TYK2: variants seen among roughly 807,000 people sequenced by gnomAD.
TYK2 encodes the protein non-receptor tyrosine-protein kinase TYK2.
A neutral mutation model predicts 130.9 loss-of-function variants in TYK2; 65 were observed. The ratio of observed to expected loss-of-function variants is 0.50; its 90% CI spans 0.41 to 0.61. The LOEUF (loss-of-function observed/expected upper bound fraction) is 0.61, where lower values mean the gene tolerates loss of function less well. TYK2 is among the 20% of genes least tolerant of loss of function. TYK2 has a pLI of 0.00. For missense variants in TYK2, 1,378 were observed against 1,610.7 expected, an observed-to-expected ratio of 0.86 and a Z score of 2.47; for synonymous variants, 647 against 658.9, an observed-to-expected ratio of 0.98 and a Z score of 0.28.
intron 3 of TYK2, among the ~76,000 whole-genome samples, chr19:10,372,135 C>T (rs377377865): frequency 6.2e-4 from 94 of 151,288 alleles, no homozygotes; most frequent in South Asian, 1.7e-3. Context: ...GGACTACAGG[C>T]GCCCGCCACC....
intron 18 of TYK2, 136 bp from the exon 19 acceptor site, chr19:10,354,745 GAA>G: frequency 8.3e-6 from 6 of 725,464 alleles, no homozygotes; most frequent in South Asian, 7.4e-5. Context: ...TGCAACAGCT[GAA>G]AGAGTCCACT....
intron 3 of TYK2, among the ~76,000 whole-genome samples, chr19:10,370,864 A>G (rs2041882256): frequency 3.9e-5 from 6 of 151,906 alleles, no homozygotes; most frequent in Admixed American, 3.9e-4. Context: ...AAAGCTGGGT[A>G]TGGTGGCTCA....
chr19:10,359,395 G>T (rs1327103522), intron 14 of TYK2, 93 bp from the exon 15 acceptor site: 7 of 1,493,328 alleles, frequency 4.7e-6, no homozygotes, highest in East Asian at 2.3e-5. Context: ...GACTTGGCAT[G>T]TGGCTGGGGA....
intron 15 of TYK2, 142 bp from the exon 16 acceptor site, chr19:10,358,280 G>C (rs914451904): frequency 4.7e-5 from 32 of 674,822 alleles, no homozygotes; most frequent in Admixed American, 1.5e-4. Context: ...TTTTTGGGGG[G>C]TTATTTTTTT....
At position 10,368,302 on chromosome 19, in the gene TYK2, G is replaced by A. The variant is rs551925120; in HGVS notation, c.310C>T (p.Arg104Cys). 1.7e-5 allele frequency: 28 copies of A among 1,614,178 alleles called. No homozygotes were observed. The highest frequency in any genetic ancestry group is 5.0e-5 in the Admixed American group (3 of 60,000). ...GCAAAGGTCTCCACCCACCTTATGC[G>A]GAAATATAGCATCAGGCTTGCATCT... ...PRDASLMLYF[R>C]IRFYFRNWHG... Residue 104 changes from arginine to cysteine, a missense_variant, in exon 4 of 25, where the codon CGC (arginine) becomes TGC (cysteine). Arg to Cys is a radical substitution (Grantham distance 180). Transcript: ENST00000525621.
chr19:10,373,005 A>C (rs1040306819), intron 3 of TYK2, among the ~76,000 whole-genome samples: 2 of 151,322 alleles, frequency 1.3e-5, no homozygotes, highest in African/African-American at 2.4e-5. Flanking sequence ...CTGGGACTAC[A>C]GGCATGTGCC....
chr19:10,372,660 T>A (rs2041968819), intron 3 of TYK2, among the ~76,000 whole-genome samples: 1 of 150,046 alleles, frequency 6.7e-6, no homozygotes. Context: ...TGGCTAATTT[T>A]TTGTATTTTT....
At chr19:10,355,640 C>CAA (rs34951532) in intron 18 of TYK2, among the ~76,000 whole-genome samples, 12 of 69,958 alleles carry the variant, frequency 1.7e-4, no homozygotes, top group South Asian at 5.7e-4. Flanking sequence ...AACTCCATCT[C>CAA]AAAAAAAAAA....
At chr19:10,356,875 G>A (rs1293722432) in intron 17 of TYK2, 157 bp from the exon 18 acceptor site, 8 of 757,248 alleles carry the variant, frequency 1.1e-5, no homozygotes, top group African/African-American at 1.7e-5. Flanking sequence ...AAAGTGGGAG[G>A]ACGTGCTCAC....
At chr19:10,378,823 G>A (rs1031468687) in intron 2 of TYK2, among the ~76,000 whole-genome samples, 7 of 143,606 alleles carry the variant, frequency 4.9e-5, no homozygotes, top group African/African-American at 7.7e-5. Context: ...TCTACAAGAC[G>A]TTTTATTTTA....
chr19:10,354,019 A>C, intron 20 of TYK2, 23 bp downstream of exon 20: 4 of 1,612,534 alleles, frequency 2.5e-6, no homozygotes, highest in Non-Finnish European at 3.4e-6. Context: ...TCAAGTCTCT[A>C]GGACTCGCCG....
intron 3 of TYK2, among the ~76,000 whole-genome samples, chr19:10,370,575 T>G (rs1429951855): frequency 1.3e-5 from 2 of 150,246 alleles, no homozygotes; most frequent in South Asian, 2.1e-4. Flanking sequence ...CCCAGCACTT[T>G]CGGAAGCTGA....
chr19:10,376,951 G>C (rs1208600717), intron 3 of TYK2, among the ~76,000 whole-genome samples: 1 of 152,068 alleles, frequency 6.6e-6, no homozygotes, highest in Non-Finnish European at 1.5e-5. Context: ...ACCCAGGCTG[G>C]AGTGCAGTGA....
At chr19:10,375,169 A>G (rs1444317478) in intron 3 of TYK2, among the ~76,000 whole-genome samples, 1 of 151,828 alleles carries the variant, frequency 6.6e-6, no homozygotes, top group Non-Finnish European at 1.5e-5. Context: ...TGTCTCTACG[A>G]AAGAAAAAAA....
chr19:10,356,679 G>A lies in TYK2; in HGVS notation c.2506C>T (p.Pro836Ser), dbSNP rs1169822550. The change falls in exon 18 of 25, where the codon CCC becomes TCC. Residue 836 changes from proline to serine, a missense_variant. Physicochemically the swap from Pro to Ser is moderately conservative, Grantham distance 74 (BLOSUM62 -1). Coordinates refer to ENST00000525621, the MANE Select transcript of TYK2 (RefSeq NM_003331.5). Reference sequence around the variant, plus strand: ...AGTGTGGCCAGCTGTGGGCAGGAGGGCTCGGGCAGCCGGTGCTGCCTCTGG... The same window carrying A: ...AGTGTGGCCAGCTGTGGGCAGGAGGACTCGGGCAGCCGGTGCTGCCTCTGG... The part of the protein sequence containing the change: ...FYQRQHRLPE[P>S]SCPQLATLTS... 9 of 1,611,506 alleles carry A rather than the reference G, an allele frequency of 5.6e-6. No individual in the cohort carries two copies. Among genetic ancestry groups the A allele is most frequent in the Admixed American group, 1.7e-5 (1 of 59,718 alleles).
chr19:10,363,001 G>A (rs1025361984), intron 9 of TYK2, among the ~76,000 whole-genome samples: 4 of 152,076 alleles, frequency 2.6e-5, no homozygotes, highest in Middle Eastern at 3.4e-3. Flanking sequence ...TCAACCTCCC[G>A]AGTAGCTGGG....
rs916091864 is a variant in TYK2, at chr19:10,353,227, G to A, written c.3028-129C>T. ...CCGGTGGCTACCCGGCCGCTGGAGA[G>A]GGCCGGATGGCACGTGGCACCAAGC... On this transcript the variant is annotated intron_variant, in intron 21 of 24. Coordinates refer to ENST00000525621, the MANE Select transcript of TYK2 (RefSeq NM_003331.5). The surrounding 1 kb of genome is among the most constrained non-coding windows in gnomAD (Gnocchi z 6.9). The A allele has an allele frequency of 2.6e-6, 2 of 767,422 alleles. No individual in the cohort carries two copies. Among genetic ancestry groups the A allele is most frequent in the Admixed American group, 3.3e-5 (1 of 30,266 alleles). 47.5% of individuals were successfully genotyped at this position (767,422 alleles called of 1,614,324 possible).
intron 7 of TYK2, 54 bp from the exon 8 acceptor site, chr19:10,365,102 CT>C: frequency 2.6e-6 from 4 of 1,516,778 alleles, no homozygotes; most frequent in Non-Finnish European, 3.5e-6. Flanking sequence ...CCGTTTATAC[CT>C]CCTGCACTTT....
At chr19:10,363,206 T>G (rs1194669991) in intron 9 of TYK2, among the ~76,000 whole-genome samples, 1 of 146,264 alleles carries the variant, frequency 6.8e-6, no homozygotes, top group Non-Finnish European at 1.5e-5. Flanking sequence ...TTTTTTTTTT[T>G]TGAGACAGGG....
Sources: allele counts gnomAD v4.1 joint callset (sites outside exome capture counted in the v4.1 genomes callset), GRCh38; gene constraint gnomAD v4.1.1; non-coding constraint Gnocchi (gnomAD v3.1); transcripts MANE v1.5; gene names NCBI Gene and HGNC (gene_info 2026-07-23, HGNC 2026-07-21).